Variants in NACC2 observed in about 807,000 individuals in gnomAD.
The protein encoded by NACC2 is nucleus accumbens-associated protein 2.
In NACC2, 8 loss-of-function variants were observed where a neutral mutation model predicts 25.1. The observed-to-expected ratio is 0.32, with a 90% CI of 0.19 to 0.57. The LOEUF (loss-of-function observed/expected upper bound fraction) is 0.57, where lower values mean the gene tolerates loss of function less well. Ranked by LOEUF, NACC2 falls within the 20% of genes least tolerant of loss-of-function variation. The pLI is 0.89. For missense variants in NACC2, 644 were observed against 650.2 expected, an observed-to-expected ratio of 0.99 and a Z score of 0.10; for synonymous variants, 435 against 294.7, an observed-to-expected ratio of 1.48 and a Z score of -4.88.
chr9:136,012,086 A>G, intron 5 of NACC2, 62 bp from the exon 6 acceptor site: 1 of 1,458,276 alleles, frequency 6.9e-7, no homozygotes, highest in Non-Finnish European at 9.0e-7. Flanking sequence ...CCCCTCCCCA[A>G]GGCCACAGAA....
At chr9:136,075,425 G>A (rs1292602996) in intron 1 of NACC2, among the ~76,000 whole-genome samples, 2 of 152,374 alleles carry the variant, frequency 1.3e-5, no homozygotes, top group African/African-American at 2.4e-5. Context: ...ACTCGGAGGC[G>A]AATGTCTCCC....
intron 1 of NACC2, among the ~76,000 whole-genome samples, chr9:136,094,074 G>A (rs866315374): frequency 5.9e-5 from 9 of 152,336 alleles, no homozygotes; most frequent in African/African-American, 1.9e-4. Flanking sequence ...GCTCCCGGAG[G>A]CAGCTCCACG....
At chr9:136,048,101 G>A (rs1393801851) in intron 2 of NACC2, among the ~76,000 whole-genome samples, 4 of 152,220 alleles carry the variant, frequency 2.6e-5, no homozygotes, top group Non-Finnish European at 5.9e-5. Flanking sequence ...GCAGGGCACT[G>A]TCTGGCTGCC....
At chr9:136,043,531 C>A (rs953523559) in intron 2 of NACC2, among the ~76,000 whole-genome samples, 2 of 152,230 alleles carry the variant, frequency 1.3e-5, no homozygotes, top group African/African-American at 4.8e-5. Flanking sequence ...CCTCATGCAG[C>A]CCCTTGGCCT....
In NACC2 at chr9:136,084,317, C is replaced by T. The variant is rs1332981098; in HGVS notation, c.-60+10872G>A. Among the ~76,000 whole-genome samples, 1 of 152,288 alleles carries T rather than the reference C, an allele frequency of 6.6e-6. No individual in the cohort carries two copies. The highest frequency in any genetic ancestry group is 1.9e-4 in the East Asian group (1 of 5,172). The stretch of plus-strand genomic sequence containing the variant: ...GCCCCTCCTGTGTCCAGCCCTGTCC[C>T]CATGCACACCTGGGGCCTTCACCAA... On this transcript the variant is annotated intron_variant, in intron 1 of 5. Transcript: ENST00000277554. This position sits in a 1 kb window ranked among gnomAD's most constrained non-coding sequence, Gnocchi z 5.1.
intron 1 of NACC2, 109 bp from the exon 2 acceptor site, chr9:136,050,689 C>T (rs1328049623): frequency 6.3e-6 from 4 of 631,522 alleles, no homozygotes; most frequent in Non-Finnish European, 1.1e-5. Flanking sequence ...AAGAGCGAGC[C>T]TTCCGCACGC....
chr9:136,049,036 G>C (rs768971029), intron 2 of NACC2, among the ~76,000 whole-genome samples: 3 of 152,122 alleles, frequency 2.0e-5, no homozygotes, highest in East Asian at 3.9e-4. Context: ...AGCAAAGCCT[G>C]AACAGTCTCC....
In NACC2 at chr9:136,072,256, A is replaced by AT. The variant is rs1194976667; in HGVS notation, c.-59-21677_-59-21676insA. ...TCTGTCTCAAAAAGAAAAAAAAAAA[A>AT]ACCCAAAGGCAGGGCATGGTGGCTC... On this transcript the variant is annotated intron_variant, in intron 1 of 5. Coordinates refer to ENST00000277554, the MANE Select transcript of NACC2 (RefSeq NM_144653.5). Among the ~76,000 whole-genome samples the AT allele has an allele frequency of 4.6e-3, 703 of 151,220 alleles. 2 individuals are homozygous for AT. The highest frequency in any genetic ancestry group is 7.8e-3 in the Non-Finnish European group (529 of 67,730).
rs1056341667 is a variant in NACC2 at position 136,011,654 on chromosome 9, C to T, written c.1626G>A (p.Val542=). 4.0e-5 allele frequency: 56 copies of T among 1,406,964 alleles called. No individual in the cohort carries two copies. The highest frequency in any genetic ancestry group is 5.1e-5 in the Non-Finnish European group (55 of 1,085,286). The allele number at this position is 1,406,964 out of a possible 1,614,324, so 87.2% of individuals were successfully genotyped here. Residue 542 remains valine, a synonymous_variant, in exon 6 of 6, where the codon GTG becomes GTA. Transcript: ENST00000277554. ...CGGCGGGCAGCGGCTCGGGGGCGGC[C>T]ACCTCCTGGATGACCGAGCCAGCCC... ...VDGAGSVIQE[V]AAPEPLPADG...
In NACC2 at chr9:136,023,908, C is replaced by T. The variant is rs189796320; in HGVS notation, c.887-7479G>A. Among the ~76,000 whole-genome samples the T allele has an allele frequency of 1.4e-3, 220 of 152,354 alleles. 1 individual carries two copies. The highest frequency in any genetic ancestry group is 2.6e-3 in the Non-Finnish European group (179 of 68,034). ...GGGATGCCACCCACACAAGTGTGTA[C>T]CCACCGCCATACACACGTGCATGCC... On this transcript the variant is annotated intron_variant, in intron 2 of 5. Transcript: ENST00000277554.
chr9:136,042,150 G>T (rs1201827907), intron 2 of NACC2, among the ~76,000 whole-genome samples: 4 of 152,030 alleles, frequency 2.6e-5, no homozygotes, highest in Admixed American at 2.0e-4. Context: ...CACCACACTG[G>T]CTAATTTTTG....
rs1381611501 is a variant in NACC2, at chr9:136,050,037, G to A, written c.485C>T (p.Ser162Phe). The change falls in exon 2 of 6, where the codon TCC becomes TTC. Residue 162 changes from serine to phenylalanine, a missense_variant. Physicochemically the swap from Ser to Phe is radical, Grantham distance 155. Transcript: ENST00000277554. ...AAAAAAPYVV[S>F]PSVPIPLLTR... ...CAGCAGCGGGATGGGCACCGAGGGGGACACGACGTAGGGGGCCGCGGCGGC... is the reference window on the plus strand; with the variant it reads ...CAGCAGCGGGATGGGCACCGAGGGGAACACGACGTAGGGGGCCGCGGCGGC... 3.4e-5 allele frequency: 24 copies of A among 712,276 alleles called. No individual in the cohort carries two copies. Among genetic ancestry groups the A allele is most frequent in the African/African-American group, 5.2e-5 (3 of 58,052 alleles). 44.1% of individuals were successfully genotyped at this position (712,276 alleles called of 1,614,324 possible).
intron 2 of NACC2, among the ~76,000 whole-genome samples, chr9:136,049,140 G>A (rs1284797008): frequency 6.6e-6 from 1 of 152,264 alleles, no homozygotes; most frequent in Non-Finnish European, 1.5e-5. Context: ...GAACGGAGAG[G>A]AGGGGGAGCG....
intron 2 of NACC2, among the ~76,000 whole-genome samples, chr9:136,027,206 T>C (rs757098766): frequency 1.2e-4 from 18 of 152,184 alleles, no homozygotes; most frequent in Non-Finnish European, 1.9e-4. Flanking sequence ...GCCTGGACGA[T>C]GGAGCAAGAC....
Position 136,018,696 on chromosome 9 carries a change from G to C in NACC2, c.887-2267C>G, listed in dbSNP as rs569493597. Reference sequence around the variant, plus strand: ...CCCTGCCCGGCCACTACAGGGGTCAGGCAGCATTTCCCGGTGGGGCAGAGC... The same window carrying C: ...CCCTGCCCGGCCACTACAGGGGTCACGCAGCATTTCCCGGTGGGGCAGAGC... On this transcript the variant is annotated intron_variant, in intron 2 of 5. Coordinates refer to ENST00000277554, the MANE Select transcript of NACC2 (RefSeq NM_144653.5). This position sits in a 1 kb window ranked among gnomAD's most constrained non-coding sequence, Gnocchi z 4.4. 1.1e-3 allele frequency among the ~76,000 whole-genome samples: 166 copies of C among 151,738 alleles called. 1 individual carries two copies. The highest frequency in any genetic ancestry group is 3.9e-3 in the African/African-American group (161 of 41,320).
At chr9:136,059,960 G>A (rs976875994) in intron 1 of NACC2, among the ~76,000 whole-genome samples, 16 of 152,196 alleles carry the variant, frequency 1.1e-4, no homozygotes, top group African/African-American at 3.1e-4. Context: ...TCCTCAGGGC[G>A]CACGGGGAGC....
At chr9:136,087,478 G>T (rs907173430) in intron 1 of NACC2, among the ~76,000 whole-genome samples, 45 of 152,220 alleles carry the variant, frequency 3.0e-4, no homozygotes, top group African/African-American at 1.0e-3. Context: ...CATTCGCAGG[G>T]GTCGGGCCAG....
chr9:136,050,176 C>T lies in NACC2; in HGVS notation c.346G>A (p.Gly116Ser), dbSNP rs1324453448. 3.9e-6 allele frequency: 3 copies of T among 770,768 alleles called. No homozygotes were observed. The East Asian group carries it at 7.3e-5, about 19-fold the overall frequency. 47.7% of individuals were successfully genotyped at this position (770,768 alleles called of 1,614,324 possible). A position where few individuals can be genotyped will look rare whatever the true frequency, so the allele number is the denominator to read the frequency against. ...FLQIQHIVERGTDLMFKVSSP... is the reference protein window; with the variant it reads ...FLQIQHIVERSTDLMFKVSSP... ...CTCACCTTGAACATGAGGTCGGTGCCGCGCTCCACGATGTGCTGGATCTGC... is the reference window on the plus strand; with the variant it reads ...CTCACCTTGAACATGAGGTCGGTGCTGCGCTCCACGATGTGCTGGATCTGC... Residue 116 changes from glycine to serine, a missense_variant, in exon 2 of 6, where the codon GGC becomes AGC. By Grantham distance (56) the Gly-to-Ser change is moderately conservative. Coordinates refer to ENST00000277554, the MANE Select transcript of NACC2 (RefSeq NM_144653.5).
intron 2 of NACC2, 104 bp from the exon 3 acceptor site, chr9:136,016,533 A>T: frequency 7.2e-7 from 1 of 1,395,790 alleles, no homozygotes; most frequent in South Asian, 1.3e-5. Context: ...TGTTAGACCC[A>T]CTCTGCCCAC....
Sources: allele counts gnomAD v4.1 joint callset (sites outside exome capture counted in the v4.1 genomes callset), GRCh38; gene constraint gnomAD v4.1.1; non-coding constraint Gnocchi (gnomAD v3.1); transcripts MANE v1.5; gene names NCBI Gene and HGNC (gene_info 2026-07-23, HGNC 2026-07-21).